Variants in KLHL1 observed in about 807,000 individuals in gnomAD.
KLHL1 encodes kelch-like protein 1.
In KLHL1, 47 loss-of-function variants were observed where a neutral mutation model predicts 77.7. The observed-to-expected ratio is 0.60, with a 90% confidence interval of 0.48 to 0.77. The LOEUF is 0.77. Ranked by LOEUF, KLHL1 falls within the 30% of genes least tolerant of loss-of-function variation. KLHL1 has a pLI of 0.00. For missense variants in KLHL1, 925 were observed against 910.8 expected (o/e 1.02, Z -0.20); for synonymous variants, 360 against 325.2 (o/e 1.11, Z -1.15).
At chr13:69,876,326 G>A (rs529757374) in intron 5 of KLHL1, among the ~76,000 whole-genome samples, 4 of 152,274 alleles carry the variant, frequency 2.6e-5, no homozygotes, top group Admixed American at 6.5e-5. Flanking sequence ...GAGTCCGTAT[G>A]TCACTGGTAT....
intron 1 of KLHL1, among the ~76,000 whole-genome samples, chr13:70,053,108 C>T (rs74892336): frequency 0.07 from 10,653 of 151,662 alleles, 446 homozygotes; most frequent in Middle Eastern, 0.096. Flanking sequence ...AATGAAAAAG[C>T]GATGTGTAAA....
chr13:69,972,892 T>A (rs983892713), intron 2 of KLHL1, among the ~76,000 whole-genome samples: 19 of 151,920 alleles, frequency 1.3e-4, no homozygotes, highest in African/African-American at 3.9e-4. Context: ...ATTTTCCTCA[T>A]CTGAATCTCA....
intron 8 of KLHL1, among the ~76,000 whole-genome samples, chr13:69,734,915 T>G (rs1179487531): frequency 6.6e-6 from 1 of 152,114 alleles, no homozygotes; most frequent in Non-Finnish European, 1.5e-5. Context: ...TGTAGAAAGC[T>G]TCTTCATGCC....
intron 8 of KLHL1, among the ~76,000 whole-genome samples, chr13:69,734,999 G>T (rs907931579): frequency 1.1e-4 from 17 of 152,128 alleles, no homozygotes; most frequent in African/African-American, 4.1e-4. Flanking sequence ...CAACTTTGAT[G>T]CAAAGTCATA....
intron 1 of KLHL1, among the ~76,000 whole-genome samples, chr13:70,078,323 T>A (rs1887311957): frequency 6.6e-6 from 1 of 152,042 alleles, no homozygotes; most frequent in African/African-American, 2.4e-5. Context: ...TTAAATAGAA[T>A]TTTCATCCAC....
At chr13:69,745,664 C>A (rs1238395999) in intron 7 of KLHL1, among the ~76,000 whole-genome samples, 1 of 151,774 alleles carries the variant, frequency 6.6e-6, no homozygotes, top group Non-Finnish European at 1.5e-5. Flanking sequence ...AAACAATAAA[C>A]TTTTCAGAAT....
intron 1 of KLHL1, among the ~76,000 whole-genome samples, chr13:69,979,509 G>A (rs536895445): frequency 6.6e-6 from 1 of 151,948 alleles, no homozygotes; most frequent in East Asian, 1.9e-4. Flanking sequence ...ATTTAAAAAG[G>A]AGACTTTAAC....
intron 1 of KLHL1, among the ~76,000 whole-genome samples, chr13:70,059,138 G>T (rs1171727456): frequency 6.7e-6 from 1 of 150,056 alleles, no homozygotes; most frequent in East Asian, 1.9e-4. Context: ...CAGGACATGG[G>T]AATGGACAAA....
At chr13:69,930,650 T>C (rs1882970956) in intron 4 of KLHL1, among the ~76,000 whole-genome samples, 1 of 151,820 alleles carries the variant, frequency 6.6e-6, no homozygotes, top group Non-Finnish European at 1.5e-5. Context: ...GTTGTTTATA[T>C]ATTATTTACG....
chr13:69,705,748 C>G (rs901831549), intron 10 of KLHL1, among the ~76,000 whole-genome samples: 11 of 151,546 alleles, frequency 7.3e-5, no homozygotes, highest in African/African-American at 2.7e-4. Context: ...TTAAATGCCA[C>G]TTTGCTGTTT....
At chr13:69,856,075 G>GCATT (rs2138142089) in intron 5 of KLHL1, among the ~76,000 whole-genome samples, 2 of 151,230 alleles carry the variant, frequency 1.3e-5, no homozygotes, top group South Asian at 4.2e-4. Flanking sequence ...GTGAGCAGAG[G>GCATT]CATTCACTGC....
intron 7 of KLHL1, among the ~76,000 whole-genome samples, chr13:69,780,925 G>A (rs961034662): frequency 5.3e-5 from 8 of 151,520 alleles, no homozygotes; most frequent in East Asian, 1.9e-4. Context: ...GATACAAAGC[G>A]GCAGATTTCT....
intron 3 of KLHL1, among the ~76,000 whole-genome samples, chr13:69,952,487 G>A (rs923403106): frequency 6.6e-6 from 1 of 151,324 alleles, no homozygotes; most frequent in Non-Finnish European, 1.5e-5. Context: ...GGGTAGGACA[G>A]GTTCATCAGA....
intron 5 of KLHL1, among the ~76,000 whole-genome samples, chr13:69,866,019 A>G (rs1208547261): frequency 6.6e-6 from 1 of 152,148 alleles, no homozygotes; most frequent in African/African-American, 2.4e-5. Flanking sequence ...TATTTTTATA[A>G]TAGATGAATA....
chr13:69,899,105 A>G (rs1373467223), intron 4 of KLHL1, among the ~76,000 whole-genome samples: 1 of 152,030 alleles, frequency 6.6e-6, no homozygotes, highest in Non-Finnish European at 1.5e-5. Context: ...GGAAGGTTGT[A>G]AGGAGGAAGA....
At chr13:69,823,726 T>C (rs1878433342) in intron 6 of KLHL1, among the ~76,000 whole-genome samples, 1 of 152,076 alleles carries the variant, frequency 6.6e-6, no homozygotes, top group Non-Finnish European at 1.5e-5. Flanking sequence ...ATACTGGGAC[T>C]TTCTAAAACA....
intron 1 of KLHL1, among the ~76,000 whole-genome samples, chr13:70,050,471 T>C (rs1208676143): frequency 1.3e-5 from 2 of 151,904 alleles, no homozygotes; most frequent in African/African-American, 4.8e-5. Context: ...CCATACTCAT[T>C]TCTTCATAAA....
chr13:69,932,490 G>T (rs948993900), intron 4 of KLHL1, among the ~76,000 whole-genome samples: 2 of 151,828 alleles, frequency 1.3e-5, no homozygotes, highest in Non-Finnish European at 2.9e-5. Context: ...CATCTTAAAT[G>T]ATTGAAATCA....
intron 2 of KLHL1, among the ~76,000 whole-genome samples, chr13:69,970,016 G>A (rs773392500): frequency 7.2e-5 from 11 of 151,848 alleles, no homozygotes; most frequent in Admixed American, 3.3e-4. Context: ...ATTTTTTAGC[G>A]AAAGCTGTGC....
Sources: gnomAD v4.1 joint callset for allele counts (sites outside exome capture counted in the v4.1 genomes callset) on GRCh38, gnomAD v4.1.1 for gene constraint, MANE v1.5 for transcripts, NCBI Gene and HGNC (gene_info 2026-07-23, HGNC 2026-07-21) for gene names.